The following PCDHA5 variants were observed in gnomAD, a reference collection of about 807,000 sequenced individuals.
The protein encoded by PCDHA5 is protocadherin alpha 5.
Under a neutral mutation model 61.6 loss-of-function variants are expected in PCDHA5, and 43 were observed. The ratio of observed to expected loss-of-function variants is 0.70; its 90% confidence interval spans 0.55 to 0.90. The LOEUF (loss-of-function observed/expected upper bound fraction) is 0.90, where lower values mean the gene tolerates loss of function less well. PCDHA5 is among the 40% of genes least tolerant of loss of function. PCDHA5 has a pLI of 0.00. For missense variants in PCDHA5, 1,298 were observed against 1,222.7 expected (o/e 1.06, Z -0.92); for synonymous variants, 627 against 543.9 (o/e 1.15, Z -2.13).
At chr5:140,919,358 T>C (rs2153553560) in intron 1 of PCDHA5, among the ~76,000 whole-genome samples, 1 of 152,356 alleles carries the variant, frequency 6.6e-6, no homozygotes, top group East Asian at 1.9e-4. Flanking sequence ...AATCTAAAAG[T>C]GTCTCCTGCA....
At chr5:140,855,023 G>T (rs115040572) in intron 1 of PCDHA5, among the ~76,000 whole-genome samples, 1 of 149,492 alleles carries the variant, frequency 6.7e-6, no homozygotes, top group African/African-American at 2.4e-5. Context: ...GAAACTTCTT[G>T]TATAAAGGAT....
chr5:140,899,019 G>A (rs2067099712), intron 1 of PCDHA5, among the ~76,000 whole-genome samples: 1 of 151,834 alleles, frequency 6.6e-6, no homozygotes, highest in African/African-American at 2.4e-5. Flanking sequence ...AAGAATGCTT[G>A]TGATTTTTGT....
At chr5:140,856,660 T>A in intron 1 of PCDHA5, 1 of 1,597,974 alleles carries the variant, frequency 6.3e-7, no homozygotes, top group South Asian at 1.1e-5. Flanking sequence ...GTGAAGAAAA[T>A]CCTCAGCTAA....
chr5:140,856,933 C>A (rs1554149303), intron 1 of PCDHA5: 5 of 1,593,874 alleles, frequency 3.1e-6, no homozygotes, highest in East Asian at 4.5e-5. Flanking sequence ...TTTGGATAAA[C>A]GAAAGGACGG....
At chr5:140,873,210 A>G (rs1372631390) in intron 1 of PCDHA5, among the ~76,000 whole-genome samples, 2 of 152,208 alleles carry the variant, frequency 1.3e-5, no homozygotes, top group African/African-American at 4.8e-5. Flanking sequence ...TTCTTTAAGT[A>G]TTAAAGAGAA....
chr5:140,999,091 T>G (rs1342614556), intron 3 of PCDHA5, among the ~76,000 whole-genome samples: 1 of 152,208 alleles, frequency 6.6e-6, no homozygotes, highest in South Asian at 2.1e-4. Flanking sequence ...TTCAGAGGGC[T>G]ATGGAGAGTA....
At chr5:140,825,010 T>G (rs1223030036) in intron 1 of PCDHA5, 1 of 152,128 alleles carries the variant, frequency 6.6e-6, no homozygotes, top group Non-Finnish European at 1.5e-5. Flanking sequence ...TTTACTGTTC[T>G]AAAGGTGCAA....
intron 1 of PCDHA5, chr5:140,876,978 C>T (rs1206745884): frequency 1.2e-5 from 20 of 1,612,518 alleles, no homozygotes; most frequent in African/African-American, 6.7e-5. Flanking sequence ...TGGGCGAGCA[C>T]GCACTGTCGA....
chr5:140,901,599 A>C (rs1196199794), intron 1 of PCDHA5, among the ~76,000 whole-genome samples: 1 of 152,132 alleles, frequency 6.6e-6, no homozygotes, highest in Non-Finnish European at 1.5e-5. Flanking sequence ...TTTGGTTACT[A>C]TATCTCTATG....
At chr5:141,000,395 C>CTATATA (rs1190667031) in intron 3 of PCDHA5, among the ~76,000 whole-genome samples, 4 of 53,980 alleles carry the variant, frequency 7.4e-5, no homozygotes, top group East Asian at 6.1e-4. Context: ...CTCTCTCTCT[C>CTATATA]TATATATATA....
intron 1 of PCDHA5, among the ~76,000 whole-genome samples, chr5:140,944,656 C>A (rs782213712): frequency 1.3e-5 from 2 of 152,016 alleles, no homozygotes; most frequent in Admixed American, 6.6e-5. Flanking sequence ...GAGTCCATAC[C>A]CCTTATTTAT....
chr5:140,979,615 A>G (rs965487699), intron 2 of PCDHA5, among the ~76,000 whole-genome samples: 1 of 152,258 alleles, frequency 6.6e-6, no homozygotes, highest in Non-Finnish European at 1.5e-5. Context: ...GAGTAACGGT[A>G]TTAGTCTAAG....
At chr5:140,860,772 C>G (rs1554153719) in intron 1 of PCDHA5, 1 of 152,248 alleles carries the variant, frequency 6.6e-6, no homozygotes, top group African/African-American at 2.4e-5. Context: ...GAGTCTCGCT[C>G]TGTTGCCCAG....
At position 140,843,722 on chromosome 5, in the gene PCDHA5, C is replaced by T. The variant is rs2150365613; in HGVS notation, c.2352+19595C>T. ...TGTTGATCATGGCCTCAAAGTAAGT[C>T]CATTTAAATTTAGAACTCATAAATT... On this transcript the variant is annotated intron_variant, in intron 1 of 3. Coordinates refer to ENST00000529859, the MANE Select transcript of PCDHA5 (RefSeq NM_018908.3). 2.4e-4 allele frequency: 371 copies of T among 1,561,926 alleles called. 35 individuals carry two copies. The highest frequency in any genetic ancestry group is 1.3e-3 in the East Asian group (56 of 44,658).
At chr5:140,841,815 ACTC>A in intron 1 of PCDHA5, 1 of 1,613,826 alleles carries the variant, frequency 6.2e-7, no homozygotes, top group Non-Finnish European at 8.5e-7. Flanking sequence ...GTTGGAGCTA[ACTC>A]CGTGTTAACC....
rs1417036031 is a variant in PCDHA5, at chr5:140,855,830, G to A, written c.2352+31703G>A. On this transcript the variant is annotated intron_variant, in intron 1 of 3. Coordinates refer to ENST00000529859, the MANE Select transcript of PCDHA5 (RefSeq NM_018908.3). Reference sequence around the variant, plus strand: ...AGAAAAGTTGTGAACTCATGGAATCGTACTTACACCTAAAGCCACCGGATG... The same window carrying A: ...AGAAAAGTTGTGAACTCATGGAATCATACTTACACCTAAAGCCACCGGATG... The A allele has an allele frequency of 5.8e-5, 33 of 567,192 alleles. 2 individuals carry two copies. Among genetic ancestry groups the A allele is most frequent in the Non-Finnish European group, 9.5e-5 (31 of 325,120 alleles). The allele number at this position is 567,192 out of a possible 1,614,324, so 35.1% of individuals were successfully genotyped here.
chr5:140,822,008 T>G lies in PCDHA5; in HGVS notation c.233T>G (p.Leu78Arg), dbSNP rs2150112907. The change falls in exon 1 of 4, where the codon CTG becomes CGG. Residue 78 changes from leucine (L) to arginine (R), a missense_variant. Transcript: ENST00000529859. ...KGRGDLLEVN[L>R]QNGILFVNSR... ...CGCGGGGACCTTCTGGAGGTAAATC[T>G]GCAGAATGGCATTTTGTTTGTGAAT... 2 of 1,614,166 alleles carry G rather than the reference T, an allele frequency of 1.2e-6. No individual in the cohort carries two copies. The highest frequency in any genetic ancestry group is 2.7e-5 in the African/African-American group (2 of 75,062).
At chr5:140,947,780 A>G (rs2094176112) in intron 1 of PCDHA5, among the ~76,000 whole-genome samples, 1 of 151,588 alleles carries the variant, frequency 6.6e-6, no homozygotes, top group Non-Finnish European at 1.5e-5. Flanking sequence ...TTGTAAATGG[A>G]TTTTAAACAG....
chr5:140,997,781 C>G (rs1207024588), intron 3 of PCDHA5, among the ~76,000 whole-genome samples: 1 of 151,626 alleles, frequency 6.6e-6, no homozygotes, highest in Non-Finnish European at 1.5e-5. Context: ...TGTTGTATAC[C>G]TATATTATAA....
Sources: allele counts gnomAD v4.1 joint callset (sites outside exome capture counted in the v4.1 genomes callset), GRCh38; gene constraint gnomAD v4.1.1; transcripts MANE v1.5; gene names NCBI Gene and HGNC (gene_info 2026-07-23, HGNC 2026-07-21).